Variants in ZC3H8 observed in about 807,000 individuals in gnomAD.
ZC3H8 encodes the protein zinc finger CCCH-type containing 8.
In ZC3H8, 27 loss-of-function variants were observed where a neutral mutation model predicts 42.5. That is an observed-to-expected ratio of 0.64 (90% confidence interval 0.47 to 0.88). ZC3H8 has a LOEUF of 0.88. Among genes scored for constraint, ZC3H8 ranks in the 40% least tolerant of loss-of-function variants. ZC3H8 has a pLI of 0.00. For synonymous variants in ZC3H8, 101 were observed against 110.1 expected (o/e 0.92, Z 0.52); for missense variants, 277 against 336.1 (o/e 0.82, Z 1.37).
chr2:112,228,288 G>A (rs1220753515), intron 8 of ZC3H8, among the ~76,000 whole-genome samples: 1 of 152,126 alleles, frequency 6.6e-6, no homozygotes, highest in Admixed American at 6.5e-5. Context: ...GATCACCTGA[G>A]GTCAGGAGTT....
At chr2:112,246,764 A>G (rs544561496) in intron 2 of ZC3H8, among the ~76,000 whole-genome samples, 2 of 152,356 alleles carry the variant, frequency 1.3e-5, no homozygotes, top group East Asian at 3.9e-4. Context: ...AATATTATAT[A>G]AACCTAGTTG....
chr2:112,221,304 G>A (rs1353220787), intron 8 of ZC3H8, among the ~76,000 whole-genome samples: 1 of 152,108 alleles, frequency 6.6e-6, no homozygotes, highest in East Asian at 1.9e-4. Flanking sequence ...GATAGTGAGT[G>A]AATGCTCATA....
At chr2:112,237,529 T>C (rs937038563) in intron 3 of ZC3H8, among the ~76,000 whole-genome samples, 2 of 151,952 alleles carry the variant, frequency 1.3e-5, no homozygotes, top group Non-Finnish European at 2.9e-5. Context: ...GCAATACAGA[T>C]CCATTTTAAG....
intron 8 of ZC3H8, among the ~76,000 whole-genome samples, chr2:112,227,841 C>G (rs1684913701): frequency 6.6e-6 from 1 of 151,258 alleles, no homozygotes; most frequent in Non-Finnish European, 1.5e-5. Context: ...GAGAGACATT[C>G]CATGCTCACA....
At chr2:112,220,832 A>G (rs1291261399) in intron 8 of ZC3H8, among the ~76,000 whole-genome samples, 1 of 152,186 alleles carries the variant, frequency 6.6e-6, no homozygotes, top group African/African-American at 2.4e-5. Flanking sequence ...AAAAACAAAC[A>G]AAAAAGATCC....
intron 8 of ZC3H8, among the ~76,000 whole-genome samples, chr2:112,228,331 G>A (rs550752145): frequency 6.6e-6 from 1 of 152,098 alleles, no homozygotes. Flanking sequence ...GTGAAAGCCT[G>A]TCTCTACTAA....
In ZC3H8 at chr2:112,214,259, A is replaced by T. The variant is rs1450430252; in HGVS notation, c.*2225T>A. Reference sequence around the variant, plus strand: ...CCGCGCCCAGCTAAGAATTGTTTTTATGAAATTATTGAGAGATTTTGCCTC... The same window carrying T: ...CCGCGCCCAGCTAAGAATTGTTTTTTTGAAATTATTGAGAGATTTTGCCTC... On this transcript the variant is annotated 3_prime_UTR_variant, in exon 9 of 9. Coordinates refer to ENST00000409573, the MANE Select transcript of ZC3H8 (RefSeq NM_032494.3). 6.6e-6 allele frequency: 1 copy of T among 152,086 alleles called. No individual in the cohort carries two copies. Among genetic ancestry groups the T allele is most frequent in the African/African-American group, 2.4e-5 (1 of 41,386 alleles). 9.4% of individuals were successfully genotyped at this position (152,086 alleles called of 1,614,324 possible).
At chr2:112,231,202 C>T (rs1468135428) in intron 7 of ZC3H8, among the ~76,000 whole-genome samples, 1 of 152,070 alleles carries the variant, frequency 6.6e-6, no homozygotes, top group Non-Finnish European at 1.5e-5. Flanking sequence ...TATTTTACAA[C>T]CTAAAAATAT....
At chr2:112,254,307 AC>A (rs1686051800) in intron 1 of ZC3H8, among the ~76,000 whole-genome samples, 1 of 152,236 alleles carries the variant, frequency 6.6e-6, no homozygotes, top group Non-Finnish European at 1.5e-5. Flanking sequence ...GGGCCATCTG[AC>A]CAAGAGTCTC....
intron 8 of ZC3H8, among the ~76,000 whole-genome samples, chr2:112,223,074 A>G (rs1474263025): frequency 6.6e-6 from 1 of 152,076 alleles, no homozygotes; most frequent in Non-Finnish European, 1.5e-5. Flanking sequence ...ACATTTGGAC[A>G]CAGGGTGGGG....
At position 112,255,019 on chromosome 2, in the gene ZC3H8, T is replaced by C. The variant is rs1382091356; in HGVS notation, c.-38A>G. ...TCCTCCCTTTCGCGAGCCGGGAAGC[T>C]ACAGAGTAACAACCCGAGAGAGTGA... On this transcript the variant is annotated 5_prime_UTR_variant, in exon 1 of 9. Transcript: ENST00000409573. 2 of 1,571,788 alleles carry C rather than the reference T, an allele frequency of 1.3e-6. No individual in the cohort carries two copies. Among genetic ancestry groups the C allele is most frequent in the African/African-American group, 2.7e-5 (2 of 73,844 alleles).
chr2:112,253,974 T>A (rs1686041816), intron 1 of ZC3H8: 1 of 250,498 alleles, frequency 4.0e-6, no homozygotes, highest in Admixed American at 6.5e-5. Flanking sequence ...ACTTACACTG[T>A]GCAATCTCGG....
intron 8 of ZC3H8, among the ~76,000 whole-genome samples, chr2:112,223,569 A>C (rs1354659835): frequency 6.6e-6 from 1 of 152,166 alleles, no homozygotes; most frequent in Middle Eastern, 3.2e-3. Context: ...AAGAATATTT[A>C]ATTTAAAAAA....
chr2:112,215,996 A>G lies in ZC3H8; in HGVS notation c.*488T>C, dbSNP rs552836648. 3 of 152,344 alleles carry G rather than the reference A, an allele frequency of 2.0e-5. No individual in the cohort carries two copies. Among genetic ancestry groups the G allele is most frequent in the African/African-American group, 7.2e-5 (3 of 41,576 alleles). 9.4% of individuals were successfully genotyped at this position (152,344 alleles called of 1,614,324 possible). A position where few individuals can be genotyped will look rare whatever the true frequency, so the allele number is the denominator to read the frequency against. On this transcript the variant is annotated 3_prime_UTR_variant, in exon 9 of 9. Transcript: ENST00000409573. ...AATTTATTTTAAGCCCTAAAATGAAATTGTGAACCATTAAAAATATGTTGT... is the reference window on the plus strand; with the variant it reads ...AATTTATTTTAAGCCCTAAAATGAAGTTGTGAACCATTAAAAATATGTTGT...
chr2:112,225,437 TACTGC>T (rs1168989033), intron 8 of ZC3H8, among the ~76,000 whole-genome samples: 1 of 152,124 alleles, frequency 6.6e-6, no homozygotes, highest in African/African-American at 2.4e-5. Context: ...ATGATTGTGC[TACTGC>T]ACTCCAGCCT....
At chr2:112,239,497 C>CAA (rs772712249) in intron 2 of ZC3H8, among the ~76,000 whole-genome samples, 1 of 149,472 alleles carries the variant, frequency 6.7e-6, no homozygotes, top group Non-Finnish European at 1.5e-5. Context: ...AACTAAGAAG[C>CAA]AAACTCAAAA....
intron 2 of ZC3H8, 41 bp from the exon 3 acceptor site, chr2:112,238,569 G>T (rs376555840): frequency 1.3e-6 from 2 of 1,513,230 alleles, no homozygotes; most frequent in Non-Finnish European, 1.8e-6. Context: ...AACCTAGCAT[G>T]ATTCAAAACA....
chr2:112,239,316 T>G (rs149461957), intron 2 of ZC3H8, among the ~76,000 whole-genome samples: 855 of 152,346 alleles, frequency 5.6e-3, no homozygotes, highest in Non-Finnish European at 9.7e-3. Flanking sequence ...TCATTATAAT[T>G]AGTATGTATG....
In ZC3H8 at chr2:112,238,400, T is replaced by C. The variant is rs769632919; in HGVS notation, c.285A>G (p.Gln95=). 8.1e-6 allele frequency: 13 copies of C among 1,613,684 alleles called. No individual in the cohort carries two copies. The highest frequency in any genetic ancestry group is 3.3e-5 in the South Asian group (3 of 91,090). The stretch of plus-strand genomic sequence containing the variant: ...CCATTTCTCTGGCTTGTATGTACTG[T>C]TGAAGCTCTTTGGCAAAATTATCTT... The part of the protein sequence containing the change: ...ESEDNFAKEL[Q]QYIQAREMAN... The change falls in exon 3 of 9, where the codon CAA becomes CAG. Residue 95 remains glutamine (Q), a synonymous_variant. Coordinates refer to ENST00000409573, the MANE Select transcript of ZC3H8 (RefSeq NM_032494.3).
Sources: allele counts gnomAD v4.1 joint callset (sites outside exome capture counted in the v4.1 genomes callset), GRCh38; gene constraint gnomAD v4.1.1; transcripts MANE v1.5; gene names NCBI Gene and HGNC (gene_info 2026-07-23, HGNC 2026-07-21).